TENT2: variants seen among roughly 807,000 people sequenced by gnomAD.
The protein encoded by TENT2 is terminal nucleotidyltransferase 2, also known as poly(A) RNA polymerase GLD2.
In TENT2, 44 loss-of-function variants were observed where a neutral mutation model predicts 72.2. The ratio of observed to expected loss-of-function variants is 0.61; its 90% confidence interval spans 0.48 to 0.78. The LOEUF is 0.78. Ranked by LOEUF, TENT2 falls within the 30% of genes least tolerant of loss-of-function variation. The probability of loss-of-function intolerance (pLI) is 0.00; values close to 1 mark genes in which losing one functional copy is unlikely to be tolerated. For synonymous variants in TENT2, 212 were observed against 192.5 expected (o/e 1.10, Z -0.84); for missense variants, 541 against 569.6 (o/e 0.95, Z 0.51).
At position 79,682,409 on chromosome 5, in the gene TENT2, AGCTTGGATTACAGACGAGT is replaced by A. The variant is rs1324343423; in HGVS notation, c.1380+351_1380+369del. On this transcript the variant is annotated intron_variant, in intron 14 of 14. Transcript: ENST00000453514. ...ATTCTCCTGCCTCAGCCTCCCAGAT[AGCTTGGATTACAGACGAGT>A]GCCACCACACCCAGCTAATTTTTTT... is the stretch of plus-strand genomic sequence containing the variant. Among the ~76,000 whole-genome samples the A allele has an allele frequency of 5.3e-5, 8 of 150,962 alleles. No homozygotes were observed. The South Asian group carries it at 1.5e-3, about 28-fold the overall frequency.
intron 11 of TENT2, among the ~76,000 whole-genome samples, chr5:79,661,563 GTTACAC>G (rs1383689619): frequency 6.6e-6 from 1 of 152,154 alleles, no homozygotes; most frequent in African/African-American, 2.4e-5. Context: ...GCATATAAAA[GTTACAC>G]TTACACTATC....
At chr5:79,678,372 T>A (rs759140040) in intron 12 of TENT2, among the ~76,000 whole-genome samples, 2 of 152,076 alleles carry the variant, frequency 1.3e-5, no homozygotes, top group African/African-American at 4.8e-5. Flanking sequence ...TGTTGGAAGG[T>A]CCCAAGTGAT....
intron 1 of TENT2, among the ~76,000 whole-genome samples, chr5:79,619,163 A>T (rs1277766826): frequency 6.6e-6 from 1 of 152,212 alleles, no homozygotes; most frequent in Non-Finnish European, 1.5e-5. Flanking sequence ...AATCTTATAA[A>T]TTGTTAAGAC....
intron 10 of TENT2, among the ~76,000 whole-genome samples, chr5:79,650,151 T>A (rs1392464463): frequency 6.6e-6 from 1 of 152,076 alleles, no homozygotes. Context: ...CAGTTTAGAG[T>A]CTTGGTTTCC....
chr5:79,658,385 C>T (rs1799458082), intron 11 of TENT2, among the ~76,000 whole-genome samples: 2 of 146,472 alleles, frequency 1.4e-5, no homozygotes, highest in East Asian at 4.0e-4. Context: ...TAGAGACGGT[C>T]TTGCTGTGAT....
chr5:79,685,133 T>C (rs371800019), intron 14 of TENT2, 66 bp from the exon 15 acceptor site: 1 of 1,168,700 alleles, frequency 8.6e-7, no homozygotes, highest in Middle Eastern at 1.9e-4. Context: ...AACATTCTTT[T>C]AAACTCTCAG....
intron 4 of TENT2, among the ~76,000 whole-genome samples, chr5:79,638,201 T>C (rs1467559529): frequency 6.6e-6 from 1 of 152,206 alleles, no homozygotes; most frequent in East Asian, 1.9e-4. Context: ...CTCTGTACTA[T>C]TGGCATTTTG....
intron 11 of TENT2, among the ~76,000 whole-genome samples, chr5:79,662,168 A>G (rs2150442335): frequency 6.6e-6 from 1 of 152,322 alleles, no homozygotes; most frequent in South Asian, 2.1e-4. Context: ...TTAAAGTTTT[A>G]TCATGAAATT....
chr5:79,633,613 T>C lies in TENT2; in HGVS notation c.466-7238T>C, dbSNP rs918661282. Among the ~76,000 whole-genome samples, 6 of 151,380 alleles carry C rather than the reference T, an allele frequency of 4.0e-5. No individual in the cohort carries two copies. In the South Asian group the frequency reaches 1.3e-3, roughly 32 times the overall value. On this transcript the variant is annotated intron_variant, in intron 4 of 14. Coordinates refer to ENST00000453514, the MANE Select transcript of TENT2 (RefSeq NM_001114394.3). ...GTGTTTTTAGTAGAGACGGGGTTTC[T>C]CCATGTTGGTCAGGCTGGTCTCGAA... is the stretch of plus-strand genomic sequence containing the variant.
chr5:79,675,698 T>C (rs902060683), intron 12 of TENT2, among the ~76,000 whole-genome samples: 4 of 152,166 alleles, frequency 2.6e-5, no homozygotes, highest in African/African-American at 9.7e-5. Context: ...GTTGAGAGTA[T>C]GTGAAAGGGA....
intron 8 of TENT2, 58 bp from the exon 9 acceptor site, chr5:79,648,559 G>A: frequency 8.4e-7 from 1 of 1,194,422 alleles, no homozygotes; most frequent in Non-Finnish European, 1.2e-6. Context: ...TTATTAGGAA[G>A]GAAGTTTTTT....
chr5:79,669,413 A>G (rs545084351), intron 12 of TENT2, among the ~76,000 whole-genome samples: 2 of 152,350 alleles, frequency 1.3e-5, no homozygotes, highest in East Asian at 1.9e-4. Context: ...ATGAAGATCT[A>G]TTTAATACTT....
chr5:79,666,742 A>G (rs561732853), intron 11 of TENT2, among the ~76,000 whole-genome samples: 3 of 152,268 alleles, frequency 2.0e-5, no homozygotes, highest in Admixed American at 2.0e-4. Flanking sequence ...AGATTTTGAA[A>G]AACAGTTTCC....
At chr5:79,631,195 A>G (rs79228115) in intron 4 of TENT2, among the ~76,000 whole-genome samples, 1,951 of 152,288 alleles carry the variant, frequency 0.013, 54 homozygotes, top group African/African-American at 0.043. Context: ...GCCTATGGAC[A>G]TTGCCAGTCA....
At chr5:79,672,121 C>T (rs1025048815) in intron 12 of TENT2, among the ~76,000 whole-genome samples, 4 of 151,122 alleles carry the variant, frequency 2.6e-5, no homozygotes, top group Admixed American at 2.6e-4. Context: ...AAACAAAAAA[C>T]TATTTTTCTT....
At chr5:79,652,243 GTTAAAT>G (rs1259321685) in intron 10 of TENT2, among the ~76,000 whole-genome samples, 8 of 151,938 alleles carry the variant, frequency 5.3e-5, no homozygotes, top group Non-Finnish European at 8.8e-5. Context: ...TAGGGGAATG[GTTAAAT>G]TAATTACGAT....
At chr5:79,665,238 T>TTAGGAAATTATGCTTA (rs1355365031) in intron 11 of TENT2, among the ~76,000 whole-genome samples, 7 of 152,202 alleles carry the variant, frequency 4.6e-5, no homozygotes, top group African/African-American at 7.2e-5. Flanking sequence ...ATTCATATCA[T>TTAGGAAATTATGCTTA]TAGGAAATTA....
intron 1 of TENT2, among the ~76,000 whole-genome samples, chr5:79,615,334 A>T (rs1758805384): frequency 6.6e-6 from 1 of 152,210 alleles, no homozygotes; most frequent in South Asian, 2.1e-4. Flanking sequence ...CATGGACCTT[A>T]TTCAGTTATA....
intron 13 of TENT2, among the ~76,000 whole-genome samples, chr5:79,679,892 G>C (rs776042843): frequency 6.6e-6 from 1 of 152,006 alleles, no homozygotes; most frequent in East Asian, 1.9e-4. Flanking sequence ...GGTAAGATTC[G>C]AGCTGTCTTT....
Sources: allele counts gnomAD v4.1 joint callset (sites outside exome capture counted in the v4.1 genomes callset), GRCh38; gene constraint gnomAD v4.1.1; transcripts MANE v1.5; gene names NCBI Gene and HGNC (gene_info 2026-07-23, HGNC 2026-07-21).